MAPT: variants seen among roughly 807,000 people sequenced by gnomAD.
MAPT encodes the protein microtubule-associated protein tau.
A neutral mutation model predicts 67.9 loss-of-function variants in MAPT; 34 were observed. That is an observed-to-expected ratio of 0.50 (90% CI 0.38 to 0.67). The LOEUF is 0.67. Among genes scored for constraint, MAPT ranks in the 30% least tolerant of loss-of-function variants. MAPT has a pLI of 0.00. For synonymous variants in MAPT, 456 were observed against 464.5 expected, an observed-to-expected ratio of 0.98 and a Z score of 0.23; for missense variants, 881 against 1,115.2, an observed-to-expected ratio of 0.79 and a Z score of 2.99.
chr17:45,965,731 A>G (rs2071010589), intron 2 of MAPT, among the ~76,000 whole-genome samples: 2 of 152,044 alleles, frequency 1.3e-5, no homozygotes, highest in Admixed American at 1.3e-4. Flanking sequence ...CTTCTCAAAA[A>G]AAAAAAAATA....
At chr17:45,911,340 C>T (rs1374693216) in intron 1 of MAPT, among the ~76,000 whole-genome samples, 2 of 152,206 alleles carry the variant, frequency 1.3e-5, no homozygotes, top group African/African-American at 4.8e-5. Flanking sequence ...ACTACAAAAA[C>T]CCTAAGGCCA....
In MAPT at chr17:46,014,228, C is replaced by A. The variant is rs547739061; in HGVS notation, c.2092-15C>A. On this transcript the variant is annotated splice_polypyrimidine_tract_variant and intron_variant, in intron 10 of 12. Transcript: ENST00000262410. The stretch of plus-strand genomic sequence containing the variant: ...TCTGCCTTTCCTCTTCTCTCTCCTC[C>A]TCTCTCATCTCCAGGTGCAAATAGT... 3.3e-6 allele frequency: 5 copies of A among 1,536,562 alleles called. No homozygotes were observed. Among genetic ancestry groups the A allele is most frequent in the Middle Eastern group, 1.7e-4 (1 of 5,910 alleles).
chr17:45,955,911 T>C lies in MAPT; in HGVS notation c.-17-6410T>C, dbSNP rs375890115. On this transcript the variant is annotated intron_variant, in intron 1 of 12. Coordinates refer to ENST00000262410, the MANE Select transcript of MAPT (RefSeq NM_001377265.1). ...CCACCATGCCCGGCTAATTTTTGTG[T>C]TTTTAGTAGAGACGGGGTTTCCCTA... 2.7e-3 allele frequency among the ~76,000 whole-genome samples: 415 copies of C among 152,186 alleles called. 1 individual carries two copies. The highest frequency in any genetic ancestry group is 9.4e-3 in the African/African-American group (392 of 41,508).
Position 45,982,936 on chromosome 17 carries a change from C to T in MAPT, c.357C>T (p.His119=), listed in dbSNP as rs1046063948. The change falls in exon 5 of 13, where the codon CAC becomes CAT. Residue 119 remains histidine, a synonymous_variant. Transcript: ENST00000262410. ...CCCTGGCCAATGAGATTAGCGCCCA[C>T]GTCCAGCCTGGACCCTGCGGAGAGG... is the stretch of plus-strand genomic sequence containing the variant. The part of the protein sequence containing the change: ...ERPLANEISA[H]VQPGPCGEAS... 1.4e-5 allele frequency: 19 copies of T among 1,400,062 alleles called. No homozygotes were observed. Among genetic ancestry groups the T allele is most frequent in the South Asian group, 1.7e-5 (1 of 58,348 alleles). The allele number at this position is 1,400,062 out of a possible 1,614,324, so 86.7% of individuals were successfully genotyped here. A position where few individuals can be genotyped will look rare whatever the true frequency, so the allele number is the denominator to read the frequency against.
At chr17:45,946,500 G>A (rs570823326) in intron 1 of MAPT, among the ~76,000 whole-genome samples, 61 of 150,806 alleles carry the variant, frequency 4.0e-4, no homozygotes, top group Non-Finnish European at 6.3e-4. Context: ...TTGGGAGGCT[G>A]AGGCAGGAGA....
chr17:45,986,432 G>A (rs967451716), intron 5 of MAPT, among the ~76,000 whole-genome samples: 3 of 152,228 alleles, frequency 2.0e-5, no homozygotes, highest in Admixed American at 2.0e-4. Context: ...AATCAGGACT[G>A]CTGGCAATCT....
intron 1 of MAPT, among the ~76,000 whole-genome samples, chr17:45,903,989 TA>T (rs1396365836): frequency 5.9e-5 from 1 of 17,094 alleles, no homozygotes; most frequent in African/African-American, 2.1e-4. Flanking sequence ...ATTATATATT[TA>T]TATATATTAT....
In MAPT at chr17:46,024,451, TC is replaced by T. The variant is rs1222434902; in HGVS notation, c.*282del. 7.4e-6 allele frequency: 4 copies of T among 537,920 alleles called. No individual in the cohort carries two copies. The Admixed American group carries it at 1.3e-4, about 17-fold the overall frequency. 33.3% of individuals were successfully genotyped at this position (537,920 alleles called of 1,614,324 possible). ...CAAAAACATGGCCACATCCAACATT[TC>T]CTCAGGCAATTCCTTTTGATTCTTT... On this transcript the variant is annotated 3_prime_UTR_variant, in exon 13 of 13. Transcript: ENST00000262410.
chr17:45,997,030 C>CA (rs1334924856), intron 9 of MAPT, among the ~76,000 whole-genome samples: 1 of 152,230 alleles, frequency 6.6e-6, no homozygotes, highest in African/African-American at 2.4e-5. Flanking sequence ...AGCGGTTCCC[C>CA]ACCTGCCTTC....
At chr17:46,021,246 G>A (rs960336686) in intron 12 of MAPT, among the ~76,000 whole-genome samples, 1 of 152,224 alleles carries the variant, frequency 6.6e-6, no homozygotes, top group Non-Finnish European at 1.5e-5. Context: ...CGGGTTGCGC[G>A]ACAGGGATAC....
Position 46,024,147 on chromosome 17 carries a change from C to A in MAPT, c.2478C>A (p.Ala826=), listed in dbSNP as rs1223660439. The A allele has an allele frequency of 6.2e-7, 1 of 1,614,104 alleles. No homozygotes were observed. Among genetic ancestry groups the A allele is most frequent in the Admixed American group, 1.7e-5 (1 of 60,028 alleles). Residue 826 remains alanine (A), a synonymous_variant, in exon 13 of 13, where the codon GCC becomes GCA. Transcript: ENST00000262410. The part of the protein sequence containing the change: ...QLATLADEVS[A]SLAKQGL The stretch of plus-strand genomic sequence containing the variant: ...CCACGCTAGCTGACGAGGTGTCTGC[C>A]TCCCTGGCCAAGCAGGGTTTGTGAT...
At chr17:46,000,622 G>C (rs2145889750) in intron 9 of MAPT, among the ~76,000 whole-genome samples, 1 of 152,308 alleles carries the variant, frequency 6.6e-6, no homozygotes, top group East Asian at 1.9e-4. Flanking sequence ...GTCATCTTGA[G>C]GTGGGCCTCC....
intron 1 of MAPT, among the ~76,000 whole-genome samples, chr17:45,911,048 G>C (rs1300799070): frequency 1.3e-5 from 2 of 152,210 alleles, no homozygotes; most frequent in African/African-American, 4.8e-5. Context: ...AGAATTTAAA[G>C]ATAATTGGTA....
intron 12 of MAPT, among the ~76,000 whole-genome samples, chr17:46,021,771 C>G (rs1489362981): frequency 1.3e-5 from 2 of 152,216 alleles, no homozygotes; most frequent in Non-Finnish European, 2.9e-5. Context: ...AGCTTCTTGG[C>G]TCCTTCTGTT....
intron 9 of MAPT, among the ~76,000 whole-genome samples, chr17:46,005,918 C>G (rs1259831525): frequency 6.6e-6 from 1 of 152,166 alleles, no homozygotes; most frequent in Non-Finnish European, 1.5e-5. Context: ...ACTCTGAGAT[C>G]TAGATTCTTC....
chr17:46,009,553 ATTGTGGGTGG>A, intron 9 of MAPT, among the ~76,000 whole-genome samples: 1 of 151,700 alleles, frequency 6.6e-6, no homozygotes, highest in South Asian at 2.1e-4. Context: ...ACCTAGTGGC[ATTGTGGGTGG>A]GAGAGGGCTG....
chr17:45,974,275 G>A (rs370991647), intron 3 of MAPT: 5 of 800,004 alleles, frequency 6.2e-6, no homozygotes, highest in East Asian at 2.7e-5. Context: ...GCATATGGCT[G>A]ATCCCCTCCT....
intron 1 of MAPT, among the ~76,000 whole-genome samples, chr17:45,946,452 A>C (rs1318761710): frequency 6.8e-6 from 1 of 147,020 alleles, no homozygotes; most frequent in Non-Finnish European, 1.5e-5. Flanking sequence ...AAGTTCAAAA[A>C]TTAGCCAGGC....
At chr17:45,912,890 T>G (rs1241763755) in intron 1 of MAPT, among the ~76,000 whole-genome samples, 1 of 152,222 alleles carries the variant, frequency 6.6e-6, no homozygotes, top group Non-Finnish European at 1.5e-5. Context: ...GAAAGTGGAC[T>G]TTGTAAACAC....
Sources: allele counts gnomAD v4.1 joint callset (sites outside exome capture counted in the v4.1 genomes callset), GRCh38; gene constraint gnomAD v4.1.1; transcripts MANE v1.5; gene names NCBI Gene and HGNC (gene_info 2026-07-23, HGNC 2026-07-21).